The following DSCAML1 variants were observed in gnomAD, a reference collection of about 807,000 sequenced individuals.
DSCAML1 encodes DS cell adhesion molecule like 1.
A neutral mutation model predicts 200.5 loss-of-function variants in DSCAML1; 38 were observed. The ratio of observed to expected loss-of-function variants is 0.19; its 90% confidence interval spans 0.15 to 0.25. The LOEUF is 0.25. Ranked by LOEUF, DSCAML1 falls within the 10% of genes least tolerant of loss-of-function variation. The pLI, the probability that DSCAML1 is intolerant of heterozygous loss-of-function variation, is 1.00. For synonymous variants in DSCAML1, 1,215 were observed against 1,165.0 expected (o/e 1.04, Z -0.87); for missense variants, 2,223 against 2,858.8 (o/e 0.78, Z 5.07).
intron 3 of DSCAML1, among the ~76,000 whole-genome samples, chr11:117,533,135 T>C (rs932311282): frequency 2.0e-5 from 3 of 152,062 alleles, no homozygotes; most frequent in African/African-American, 7.2e-5. Flanking sequence ...GTGAGACTCT[T>C]GTCTCTAAAA....
In DSCAML1 at chr11:117,575,679, C is replaced by A. The variant is rs903294291; in HGVS notation, c.512-43157G>T. On this transcript the variant is annotated intron_variant, in intron 3 of 32. Coordinates refer to ENST00000651296, the MANE Select transcript of DSCAML1 (RefSeq NM_020693.4). ...AGTAGTTGAGAACAATAAAAAAAAC[C>A]CAAAGGCTTGGGCAGGGTGGTGCAC... Among the ~76,000 whole-genome samples, 3 of 151,998 alleles carry A rather than the reference C, an allele frequency of 2.0e-5. No individual in the cohort carries two copies. In the East Asian group the frequency reaches 5.8e-4, roughly 29 times the overall value.
chr11:117,668,869 C>T (rs946445225), intron 3 of DSCAML1: 1 of 152,174 alleles, frequency 6.6e-6, no homozygotes, highest in East Asian at 1.9e-4. Context: ...GGCTAGCACC[C>T]AAATTACAGT....
At chr11:117,458,291 C>T (rs1240859971) in intron 19 of DSCAML1, among the ~76,000 whole-genome samples, 1 of 152,176 alleles carries the variant, frequency 6.6e-6, no homozygotes, top group Non-Finnish European at 1.5e-5. Flanking sequence ...GGAGGCACAC[C>T]CCCATCCCTG....
chr11:117,437,789 A>C lies in DSCAML1; in HGVS notation c.4432+106T>G. On this transcript the variant is annotated intron_variant, in intron 25 of 32. Coordinates refer to ENST00000651296, the MANE Select transcript of DSCAML1 (RefSeq NM_020693.4). This position sits in a 1 kb window ranked among gnomAD's most constrained non-coding sequence, Gnocchi z 5.3. ...CCCTTCAGTCTCCCTGCATCCCTGG[A>C]CCCCTCCTTCCCCACCCCAGCCACC... is the stretch of plus-strand genomic sequence containing the variant. 7 of 1,197,566 alleles carry C rather than the reference A, an allele frequency of 5.8e-6. No individual in the cohort carries two copies. Among genetic ancestry groups the C allele is most frequent in the African/African-American group, 3.1e-5 (2 of 65,220 alleles). The allele number at this position is 1,197,566 out of a possible 1,614,324, so 74.2% of individuals were successfully genotyped here. A position where few individuals can be genotyped will look rare whatever the true frequency, so the allele number is the denominator to read the frequency against.
chr11:117,719,232 C>T (rs1449968507), intron 3 of DSCAML1, among the ~76,000 whole-genome samples: 5 of 152,044 alleles, frequency 3.3e-5, no homozygotes, highest in Non-Finnish European at 7.4e-5. Context: ...GTCAGGAGTT[C>T]GAGATCAGCC....
At chr11:117,570,258 G>A (rs377445015) in intron 3 of DSCAML1, among the ~76,000 whole-genome samples, 3 of 152,096 alleles carry the variant, frequency 2.0e-5, no homozygotes, top group African/African-American at 7.2e-5. Context: ...CTTTAGATTT[G>A]AGTGTTAGGA....
intron 3 of DSCAML1, among the ~76,000 whole-genome samples, chr11:117,706,995 C>T (rs1265821171): frequency 6.6e-6 from 1 of 152,210 alleles, no homozygotes; most frequent in Admixed American, 6.5e-5. Context: ...TGTGCCCAGA[C>T]ACACAAGCAC....
intron 3 of DSCAML1, among the ~76,000 whole-genome samples, chr11:117,552,695 G>A (rs775824009): frequency 2.6e-5 from 4 of 152,206 alleles, no homozygotes; most frequent in Non-Finnish European, 5.9e-5. Context: ...TGCTATCATC[G>A]TTTTGAGGTC....
At chr11:117,760,537 T>C (rs1438636420) in intron 3 of DSCAML1, among the ~76,000 whole-genome samples, 1 of 152,236 alleles carries the variant, frequency 6.6e-6, no homozygotes. Flanking sequence ...CCACACTGAT[T>C]TGTAAAGCTC....
At chr11:117,456,018 T>C (rs2048361855) in intron 19 of DSCAML1, among the ~76,000 whole-genome samples, 2 of 152,200 alleles carry the variant, frequency 1.3e-5, no homozygotes, top group Non-Finnish European at 2.9e-5. Flanking sequence ...GTCCTGATAA[T>C]TCCATTTCCC....
chr11:117,587,263 ACG>A (rs1565808824), intron 3 of DSCAML1, among the ~76,000 whole-genome samples: 8 of 65,072 alleles, frequency 1.2e-4, no homozygotes, highest in Non-Finnish European at 2.7e-4. Context: ...ACCCCCCCCC[ACG>A]ATTTAGATAC....
chr11:117,480,373 G>T lies in DSCAML1; in HGVS notation c.2785+70C>A. 6.3e-7 allele frequency: 1 copy of T among 1,592,616 alleles called. No homozygotes were observed. Among genetic ancestry groups the T allele is most frequent in the Non-Finnish European group, 8.6e-7 (1 of 1,168,470 alleles). On this transcript the variant is annotated intron_variant, in intron 14 of 32. Transcript: ENST00000651296. This position sits in a 1 kb window ranked among gnomAD's most constrained non-coding sequence, Gnocchi z 4.1. ...GGCTCAGGGGCTCTCCTCCCAGAGG[G>T]CACAGGCAGGACACGTGGCACAAGG... is the stretch of plus-strand genomic sequence containing the variant.
At chr11:117,698,444 A>G (rs987184535) in intron 3 of DSCAML1, among the ~76,000 whole-genome samples, 4 of 152,208 alleles carry the variant, frequency 2.6e-5, no homozygotes, top group Non-Finnish European at 5.9e-5. Context: ...TACATCCTCA[A>G]TCTATAAATA....
intron 3 of DSCAML1, among the ~76,000 whole-genome samples, chr11:117,539,875 CTG>C (rs2050236507): frequency 6.6e-6 from 1 of 152,192 alleles, no homozygotes; most frequent in Non-Finnish European, 1.5e-5. Flanking sequence ...AGAAACCAAA[CTG>C]TCCATCAACA....
intron 3 of DSCAML1, among the ~76,000 whole-genome samples, chr11:117,623,737 C>G (rs879415299): frequency 1.3e-5 from 2 of 152,144 alleles, no homozygotes; most frequent in African/African-American, 4.8e-5. Flanking sequence ...CTTAGCCTGG[C>G]CCCTGCTATA....
At chr11:117,542,840 G>A (rs905892292) in intron 3 of DSCAML1, among the ~76,000 whole-genome samples, 5 of 152,208 alleles carry the variant, frequency 3.3e-5, no homozygotes, top group African/African-American at 1.2e-4. Context: ...TCTAGTGAGT[G>A]GAAGAGCCTG....
At chr11:117,658,322 G>T (rs941725766) in intron 3 of DSCAML1, among the ~76,000 whole-genome samples, 15 of 152,174 alleles carry the variant, frequency 9.9e-5, no homozygotes, top group African/African-American at 3.6e-4. Context: ...GTTGTGGGTT[G>T]CCCCTTCTAG....
chr11:117,748,096 C>A (rs2054546158), intron 3 of DSCAML1, among the ~76,000 whole-genome samples: 1 of 152,176 alleles, frequency 6.6e-6, no homozygotes, highest in East Asian at 1.9e-4. Context: ...AATTACTTAA[C>A]CTCTCTGAGC....
intron 1 of DSCAML1, among the ~76,000 whole-genome samples, chr11:117,804,931 GA>G (rs61012823): frequency 0.45 from 67,599 of 150,830 alleles, 15,227 homozygotes; most frequent in Middle Eastern, 0.5. Context: ...TCTCATAAAA[GA>G]AAAAAAAAAT....
Sources: gnomAD v4.1 joint callset for allele counts (sites outside exome capture counted in the v4.1 genomes callset) on GRCh38, gnomAD v4.1.1 for gene constraint, Gnocchi (gnomAD v3.1) non-coding constraint, MANE v1.5 for transcripts, NCBI Gene and HGNC (gene_info 2026-07-23, HGNC 2026-07-21) for gene names.